The following FAM184A variants were observed in gnomAD, a reference collection of about 807,000 sequenced individuals.
FAM184A encodes family with sequence similarity 184 member A.
FAM184A carries 99 observed loss-of-function variants against 143.8 expected under a neutral mutation model. The ratio of observed to expected loss-of-function variants is 0.69; its 90% CI spans 0.58 to 0.81. FAM184A has a LOEUF of 0.81. Among genes scored for constraint, FAM184A ranks in the 40% least tolerant of loss-of-function variants. The pLI, the probability that FAM184A is intolerant of heterozygous loss-of-function variation, is 0.00. For missense variants in FAM184A, 1,217 were observed against 1,310.5 expected (o/e 0.93, Z 1.10); for synonymous variants, 427 against 446.4 (o/e 0.96, Z 0.55).
At chr6:119,112,117 C>CT (rs988004945) in intron 1 of FAM184A, among the ~76,000 whole-genome samples, 33 of 151,492 alleles carry the variant, frequency 2.2e-4, no homozygotes, top group African/African-American at 7.7e-4. Flanking sequence ...GATCATATTT[C>CT]TTTTTTCTTT....
At chr6:119,052,733 A>T (rs1198764738) in intron 1 of FAM184A, among the ~76,000 whole-genome samples, 4 of 152,226 alleles carry the variant, frequency 2.6e-5, no homozygotes, top group Non-Finnish European at 5.9e-5. Context: ...CAGAGGCAGG[A>T]GAGGAAGCAG....
intron 1 of FAM184A, among the ~76,000 whole-genome samples, chr6:119,052,397 C>A (rs752447758): frequency 6.6e-5 from 10 of 152,182 alleles, no homozygotes; most frequent in Admixed American, 1.3e-4. Flanking sequence ...GCACTTACCT[C>A]TATTTCCATC....
chr6:119,083,326 C>G (rs959491797), upstream of FAM184A, among the ~76,000 whole-genome samples: 4 of 152,244 alleles, frequency 2.6e-5, no homozygotes, highest in Non-Finnish European at 5.9e-5. Context: ...TATTCCTCTT[C>G]TTGTTACTTA....
intron 9 of FAM184A, among the ~76,000 whole-genome samples, chr6:118,984,150 A>T (rs1453929715): frequency 0.018 from 495 of 28,256 alleles, 9 homozygotes; most frequent in African/African-American, 0.046. Flanking sequence ...AACTCCATTT[A>T]AAAAAAAAAT....
chr6:118,984,376 C>G (rs74705098), intron 9 of FAM184A, among the ~76,000 whole-genome samples: 17,020 of 151,588 alleles, frequency 0.11, 1,010 homozygotes, highest in South Asian at 0.15. Flanking sequence ...TGAGGTATCA[C>G]TCCACTGCCC....
At chr6:119,026,961 G>A (rs991809869) in intron 1 of FAM184A, among the ~76,000 whole-genome samples, 1 of 152,102 alleles carries the variant, frequency 6.6e-6, no homozygotes, top group Non-Finnish European at 1.5e-5. Context: ...TCTGATAAGA[G>A]ATATTTACCA....
Position 118,966,854 on chromosome 6 carries a change from T to C in FAM184A, c.3014A>G (p.Gln1005Arg), listed in dbSNP as rs1486650793. 6.3e-7 allele frequency: 1 copy of C among 1,578,508 alleles called. No individual in the cohort carries two copies. The highest frequency in any genetic ancestry group is 8.7e-7 in the Non-Finnish European group (1 of 1,152,220). The change falls in exon 15 of 18, where the codon CAG becomes CGG. Residue 1005 changes from glutamine (Q) to arginine (R), a missense_variant. Gln to Arg is a conservative substitution (Grantham distance 43). Transcript: ENST00000338891. ...ELKAMLTERD[Q>R]IIKKLIEDNK... ...TCTTACAATTAGTTTCTTTATGATC[T>C]GGTCTCTTTCTGTAAGCATGGCTTT...
chr6:119,124,716 C>A (rs1374985311), intron 1 of FAM184A, among the ~76,000 whole-genome samples: 1 of 151,046 alleles, frequency 6.6e-6, no homozygotes. Flanking sequence ...AAGTCATGAA[C>A]AAACACCCAA....
chr6:119,096,151 T>A (rs1788500882), intron 1 of FAM184A, among the ~76,000 whole-genome samples: 1 of 152,210 alleles, frequency 6.6e-6, no homozygotes, highest in African/African-American at 2.4e-5. Context: ...GGGTACCTAC[T>A]GTGTATTCTG....
At chr6:119,133,383 T>C (rs1789584623) in intron 1 of FAM184A, among the ~76,000 whole-genome samples, 1 of 152,136 alleles carries the variant, frequency 6.6e-6, no homozygotes, top group Non-Finnish European at 1.5e-5. Flanking sequence ...GAGATTAACA[T>C]GCAGGAGGGT....
intron 14 of FAM184A, among the ~76,000 whole-genome samples, chr6:118,971,807 T>G (rs1202473252): frequency 6.6e-6 from 1 of 152,216 alleles, no homozygotes; most frequent in African/African-American, 2.4e-5. Context: ...TTACATGTGT[T>G]GCCCCACCCT....
chr6:119,078,404 C>G lies in FAM184A; in HGVS notation c.-105G>C. 8.6e-7 allele frequency: 1 copy of G among 1,159,038 alleles called. No homozygotes were observed. Among genetic ancestry groups the G allele is most frequent in the South Asian group, 1.9e-5 (1 of 52,264 alleles). The allele number at this position is 1,159,038 out of a possible 1,614,324, so 71.8% of individuals were successfully genotyped here. A position where few individuals can be genotyped will look rare whatever the true frequency, so the allele number is the denominator to read the frequency against. On this transcript the variant is annotated 5_prime_UTR_variant, in exon 1 of 18. Coordinates refer to ENST00000338891, the MANE Select transcript of FAM184A (RefSeq NM_024581.6). The surrounding 1 kb of genome is among the most constrained non-coding windows in gnomAD (Gnocchi z 5.5). ...GAGTCGCGGCGGCCGCTTCCCGACCCGACACCCGGCGCCCCCCAGACTCGG... is the reference window on the plus strand; with the variant it reads ...GAGTCGCGGCGGCCGCTTCCCGACCGGACACCCGGCGCCCCCCAGACTCGG...
chr6:119,024,908 T>G (rs969424676), intron 1 of FAM184A, 95 bp from the exon 2 acceptor site: 2 of 1,176,358 alleles, frequency 1.7e-6, no homozygotes, highest in Non-Finnish European at 2.4e-6. Flanking sequence ...TATTTTTCTA[T>G]GCACATAATA....
chr6:119,023,687 C>T (rs1325139650), intron 2 of FAM184A, among the ~76,000 whole-genome samples: 2 of 151,234 alleles, frequency 1.3e-5, no homozygotes, highest in Non-Finnish European at 2.9e-5. Flanking sequence ...TACCACTGTG[C>T]CTAGCCAATA....
chr6:119,089,478 A>G (rs977303230), intron 1 of FAM184A, among the ~76,000 whole-genome samples: 7 of 151,900 alleles, frequency 4.6e-5, no homozygotes, highest in Non-Finnish European at 8.8e-5. Context: ...ATACTTTTTA[A>G]TTCTTGTAGA....
intron 7 of FAM184A, 125 bp downstream of exon 7, chr6:119,006,322 A>T: frequency 1.1e-6 from 1 of 929,368 alleles, no homozygotes; most frequent in Non-Finnish European, 1.7e-6. Context: ...GTACTTTGTT[A>T]TGGTAGTTCT....
chr6:119,082,087 G>A (rs891588783), upstream of FAM184A, among the ~76,000 whole-genome samples: 9 of 152,200 alleles, frequency 5.9e-5, no homozygotes, highest in African/African-American at 2.2e-4. Flanking sequence ...AAATGCCTGT[G>A]CTCACCTAGG....
intron 9 of FAM184A, among the ~76,000 whole-genome samples, chr6:118,983,994 C>T (rs1184675176): frequency 1.3e-5 from 2 of 150,420 alleles, no homozygotes; most frequent in Non-Finnish European, 3.0e-5. Context: ...ACTAAAAATA[C>T]AAAAAATTAG....
chr6:118,996,471 T>A (rs1784549639), intron 9 of FAM184A, among the ~76,000 whole-genome samples: 2 of 152,220 alleles, frequency 1.3e-5, no homozygotes, highest in South Asian at 4.1e-4. Flanking sequence ...CTCACTTTCC[T>A]TTCTAGCTGG....
Sources: allele counts gnomAD v4.1 joint callset (sites outside exome capture counted in the v4.1 genomes callset), GRCh38; gene constraint gnomAD v4.1.1; non-coding constraint Gnocchi (gnomAD v3.1); transcripts MANE v1.5; gene names NCBI Gene and HGNC (gene_info 2026-07-23, HGNC 2026-07-21).